The following SP9 variants were observed in gnomAD, a reference collection of about 807,000 sequenced individuals.
SP9 encodes the protein transcription factor Sp9.
A neutral mutation model predicts 23.0 loss-of-function variants in SP9; 5 were observed. The observed-to-expected ratio is 0.22, with a 90% confidence interval of 0.11 to 0.46. The LOEUF (loss-of-function observed/expected upper bound fraction) is 0.46. SP9 is among the 20% of genes least tolerant of loss of function. SP9 has a pLI of 0.99. For missense variants in SP9, 542 were observed against 724.0 expected, an observed-to-expected ratio of 0.75 and a Z score of 2.88; for synonymous variants, 360 against 356.5, an observed-to-expected ratio of 1.01 and a Z score of -0.11.
At position 174,336,886 on chromosome 2, in the gene SP9, T is replaced by C; in HGVS notation, c.801T>C (p.Tyr267=). 6.6e-7 allele frequency: 1 copy of C among 1,505,542 alleles called. No homozygotes were observed. The highest frequency in any genetic ancestry group is 1.4e-5 in the African/African-American group (1 of 69,218). 93.3% of individuals were successfully genotyped at this position (1,505,542 alleles called of 1,614,324 possible). A position where few individuals can be genotyped will look rare whatever the true frequency, so the allele number is the denominator to read the frequency against. ...QDGFKPVLPS[Y]SDSSAAVAAA... is the part of the protein sequence containing the mutation. Reference sequence around the variant, plus strand: ...GCTTCAAGCCGGTGTTGCCCTCCTATTCGGACTCCAGCGCCGCCGTGGCAG... The same window carrying C: ...GCTTCAAGCCGGTGTTGCCCTCCTACTCGGACTCCAGCGCCGCCGTGGCAG... Residue 267 remains tyrosine, a synonymous_variant, in exon 2 of 2, where the codon TAT becomes TAC. Coordinates refer to ENST00000394967, the MANE Select transcript of SP9 (RefSeq NM_001145250.2).
rs1161308932 is a variant in SP9 at position 174,336,338 on chromosome 2, G to A, written c.253G>A (p.Ala85Thr). Reference sequence around the variant, plus strand: ...CGGCCTGGCGGGCGGCTCGGGCGCCGCCAACAGCGCCTTCTGCCTGGCCTC... The same window carrying A: ...CGGCCTGGCGGGCGGCTCGGGCGCCACCAACAGCGCCTTCTGCCTGGCCTC... Reference protein sequence around the residue: ...SGGLAGGSGAANSAFCLASTS... With the variant: ...SGGLAGGSGATNSAFCLASTS... The change falls in exon 2 of 2, where the codon GCC becomes ACC. Residue 85 changes from alanine to threonine, a missense_variant. This residue lies in a region of SP9 where 201 missense variants were observed against 226.3 expected (regional missense o/e 0.89). Coordinates refer to ENST00000394967, the MANE Select transcript of SP9 (RefSeq NM_001145250.2). 2.7e-6 allele frequency: 4 copies of A among 1,495,608 alleles called. No homozygotes were observed. Among genetic ancestry groups the A allele is most frequent in the East Asian group, 2.7e-5 (1 of 37,212 alleles). 92.6% of individuals were successfully genotyped at this position (1,495,608 alleles called of 1,614,324 possible).
At chr2:174,336,040 T>G in intron 1 of SP9, 67 bp from the exon 2 acceptor site, 3 of 1,462,640 alleles carry the variant, frequency 2.1e-6, no homozygotes, top group South Asian at 1.3e-5. Flanking sequence ...CGGGTGCACT[T>G]TGTTTCTTCC....
Position 174,336,904 on chromosome 2 carries a change from C to G in SP9, c.819C>G (p.Ala273=). 1 of 1,461,418 alleles carries G rather than the reference C, an allele frequency of 6.8e-7. No individual in the cohort carries two copies. Among genetic ancestry groups the G allele is most frequent in the Non-Finnish European group, 9.0e-7 (1 of 1,109,636 alleles). 90.5% of individuals were successfully genotyped at this position (1,461,418 alleles called of 1,614,324 possible). ...CCTCCTATTCGGACTCCAGCGCCGC[C>G]GTGGCAGCCGCCGCCGCCAGCGCCA... ...VLPSYSDSSA[A]VAAAAASAMI... The change falls in exon 2 of 2, where the codon GCC becomes GCG. Residue 273 remains alanine, a synonymous_variant. Transcript: ENST00000394967.
chr2:174,337,412 C>T lies in SP9; in HGVS notation c.1327C>T (p.Leu443Phe). 6.5e-7 allele frequency: 1 copy of T among 1,545,188 alleles called. No individual in the cohort carries two copies. Among genetic ancestry groups the T allele is most frequent in the Non-Finnish European group, 8.7e-7 (1 of 1,144,698 alleles). Residue 443 changes from leucine to phenylalanine, a missense_variant, in exon 2 of 2, where the codon CTC (leucine) becomes TTC (phenylalanine). Leu to Phe is a conservative substitution (Grantham distance 22). This residue lies in a region of SP9 where 35 missense variants were observed against 67.2 expected (regional missense o/e 0.52). Transcript: ENST00000394967. ...GACGCCCCGTTCCGAATCCCCCGACCTCATCCTGCATGACTCCGGCGTCAG... is the reference window on the plus strand; with the variant it reads ...GACGCCCCGTTCCGAATCCCCCGACTTCATCCTGCATGACTCCGGCGTCAG... Reference protein sequence around the residue: ...LETPRSESPDLILHDSGVSAA... With the variant: ...LETPRSESPDFILHDSGVSAA...
Position 174,336,729 on chromosome 2 carries a change from C to G in SP9, c.644C>G (p.Ser215Trp). 1 of 1,528,932 alleles carries G rather than the reference C, an allele frequency of 6.5e-7. No homozygotes were observed. Among genetic ancestry groups the G allele is most frequent in the South Asian group, 1.2e-5 (1 of 82,928 alleles). The allele number at this position is 1,528,932 out of a possible 1,614,324, so 94.7% of individuals were successfully genotyped here. The change falls in exon 2 of 2, where the codon TCG becomes TGG. Residue 215 changes from serine (S) to tryptophan (W), a missense_variant. Ser to Trp is a radical substitution (Grantham distance 177, BLOSUM62 -3). Coordinates refer to ENST00000394967, the MANE Select transcript of SP9 (RefSeq NM_001145250.2). The stretch of plus-strand genomic sequence containing the variant: ...GGCGCCCCCCAGGCCTCGCTGCACT[C>G]GCAGCTGGGCACCTACAACCCCGAC... The part of the protein sequence containing the change: ...HSGAPQASLH[S>W]QLGTYNPDFS...
Position 174,335,039 on chromosome 2 carries a change from C to T in SP9, c.-54C>T. 1 of 1,544,012 alleles carries T rather than the reference C, an allele frequency of 6.5e-7. No individual in the cohort carries two copies. On this transcript the variant is annotated 5_prime_UTR_variant, in exon 1 of 2. Transcript: ENST00000394967. Reference sequence around the variant, plus strand: ...GCGGGACCCAAGCAGTTTTTCCGAGCAGCCGCCAGGCTCAGCCCCGCTCCC... The same window carrying T: ...GCGGGACCCAAGCAGTTTTTCCGAGTAGCCGCCAGGCTCAGCCCCGCTCCC...
rs1428055787 is a variant in SP9 at position 174,338,094 on chromosome 2, C to T, written c.*554C>T. The T allele has an allele frequency of 6.6e-6, 1 of 152,180 alleles. No homozygotes were observed. The highest frequency in any genetic ancestry group is 1.5e-5 in the Non-Finnish European group (1 of 68,038). 9.4% of individuals were successfully genotyped at this position (152,180 alleles called of 1,614,324 possible). Reference sequence around the variant, plus strand: ...ATATTATATATAAAATGCTCCAAGTCCTGCCTGATATCTACTTACAATGAG... The same window carrying T: ...ATATTATATATAAAATGCTCCAAGTTCTGCCTGATATCTACTTACAATGAG... On this transcript the variant is annotated 3_prime_UTR_variant, in exon 2 of 2. Transcript: ENST00000394967.
chr2:174,335,831 G>T, intron 1 of SP9: 1 of 464,532 alleles, frequency 2.2e-6, no homozygotes, highest in Non-Finnish European at 3.8e-6. Flanking sequence ...GTTGTAGGCA[G>T]GGTTGCAGCG....
At position 174,337,721 on chromosome 2, in the gene SP9, G is replaced by A. The variant is rs1684443991; in HGVS notation, c.*181G>A. The A allele has an allele frequency of 1.3e-6, 1 of 756,416 alleles. No individual in the cohort carries two copies. The highest frequency in any genetic ancestry group is 1.6e-6 in the Non-Finnish European group (1 of 606,422). 46.9% of individuals were successfully genotyped at this position (756,416 alleles called of 1,614,324 possible). On this transcript the variant is annotated 3_prime_UTR_variant, in exon 2 of 2. Coordinates refer to ENST00000394967, the MANE Select transcript of SP9 (RefSeq NM_001145250.2). ...GGGCTGCGGTTCGCCCGCTGTGCGAGGAGCTCCCCTCTGCCTTCCGCGCCC... is the reference window on the plus strand; with the variant it reads ...GGGCTGCGGTTCGCCCGCTGTGCGAAGAGCTCCCCTCTGCCTTCCGCGCCC...
chr2:174,337,462 G>A lies in SP9; in HGVS notation c.1377G>A (p.Ala459=), dbSNP rs1009078209. ...GTGCCGCCCGGGCGGCGGCAGCGGC[G>A]GCGGCGGCAGCGGCGGCGGCGGCGG... ...GVSAARAAAA[A]AAAAAAAAAA... The change falls in exon 2 of 2, where the codon GCG becomes GCA. Residue 459 remains alanine, a synonymous_variant. Transcript: ENST00000394967. The A allele has an allele frequency of 6.5e-6, 8 of 1,234,512 alleles. No individual in the cohort carries two copies. The highest frequency in any genetic ancestry group is 8.2e-6 in the Non-Finnish European group (8 of 970,308). The allele number at this position is 1,234,512 out of a possible 1,614,324, so 76.5% of individuals were successfully genotyped here.
chr2:174,335,784 G>C (rs1349694752), intron 1 of SP9: 2 of 342,288 alleles, frequency 5.8e-6, no homozygotes, highest in Non-Finnish European at 1.1e-5. Context: ...GGGGTCTTCT[G>C]GGAGATGAGC....
Position 174,337,732 on chromosome 2 carries a change from C to T in SP9, c.*192C>T. 1 of 595,242 alleles carries T rather than the reference C, an allele frequency of 1.7e-6. No individual in the cohort carries two copies. 36.9% of individuals were successfully genotyped at this position (595,242 alleles called of 1,614,324 possible). A position where few individuals can be genotyped will look rare whatever the true frequency, so the allele number is the denominator to read the frequency against. On this transcript the variant is annotated 3_prime_UTR_variant, in exon 2 of 2. Transcript: ENST00000394967. ...CGCCCGCTGTGCGAGGAGCTCCCCT[C>T]TGCCTTCCGCGCCCGGATAAGAATC... is the stretch of plus-strand genomic sequence containing the variant.
chr2:174,337,300 C>A lies in SP9; in HGVS notation c.1215C>A (p.Asp405Glu). The change falls in exon 2 of 2, where the codon GAC becomes GAA. Residue 405 changes from aspartate (D) to glutamate (E), a missense_variant. Around this residue, in one of 8 missense-constraint regions of SP9, gnomAD observed 35 missense variants for 67.2 expected, o/e 0.52. Coordinates refer to ENST00000394967, the MANE Select transcript of SP9 (RefSeq NM_001145250.2). ...PVCNKRFMRS[D>E]HLSKHIKTHN... ...GCAACAAGCGCTTCATGCGCAGCGA[C>A]CACCTGAGCAAACACATTAAGACGC... The A allele has an allele frequency of 6.4e-7, 1 of 1,554,402 alleles. No homozygotes were observed. Among genetic ancestry groups the A allele is most frequent in the Non-Finnish European group, 8.7e-7 (1 of 1,148,808 alleles).
chr2:174,335,010 C>A lies in SP9; in HGVS notation c.-83C>A. 1 of 1,485,708 alleles carries A rather than the reference C, an allele frequency of 6.7e-7. No individual in the cohort carries two copies. The highest frequency in any genetic ancestry group is 1.2e-5 in the South Asian group (1 of 82,578). 92.0% of individuals were successfully genotyped at this position (1,485,708 alleles called of 1,614,324 possible). A position where few individuals can be genotyped will look rare whatever the true frequency, so the allele number is the denominator to read the frequency against. On this transcript the variant is annotated 5_prime_UTR_variant, in exon 1 of 2. Transcript: ENST00000394967. ...CGGCACGAGCGCGGGGACGCGGGAG[C>A]CGCGCGGGACCCAAGCAGTTTTTCC...
Position 174,336,906 on chromosome 2 carries a change from T to TGGCAGCCGCCGCCGC in SP9, c.822_836dup (p.Ala275_Ala279dup). On this transcript the variant is annotated inframe_insertion, in exon 2 of 2. Transcript: ENST00000394967. ...TCCTATTCGGACTCCAGCGCCGCCGTGGCAGCCGCCGCCGCCAGCGCCATG... is the reference window on the plus strand; with the variant it reads ...TCCTATTCGGACTCCAGCGCCGCCGTGGCAGCCGCCGCCGCGGCAGCCGCCGCCGCCAGCGCCATG... 1 of 1,426,618 alleles carries TGGCAGCCGCCGCCGC rather than the reference T, an allele frequency of 7.0e-7. No homozygotes were observed. Among genetic ancestry groups the TGGCAGCCGCCGCCGC allele is most frequent in the Non-Finnish European group, 9.2e-7 (1 of 1,089,270 alleles). The allele number at this position is 1,426,618 out of a possible 1,614,324, so 88.4% of individuals were successfully genotyped here. A position where few individuals can be genotyped will look rare whatever the true frequency, so the allele number is the denominator to read the frequency against.
At position 174,336,610 on chromosome 2, in the gene SP9, C is replaced by T. The variant is rs1574613589; in HGVS notation, c.525C>T (p.Gly175=). ...TGGCGGCCGGCGAGGTGACCAACGG[C>T]GCGGCGTCGTCGTGGTGGGACGTGC... ...STLAAGEVTN[G]AASSWWDVHS... Residue 175 remains glycine, a synonymous_variant, in exon 2 of 2, where the codon GGC becomes GGT. Coordinates refer to ENST00000394967, the MANE Select transcript of SP9 (RefSeq NM_001145250.2). 1.4e-6 allele frequency: 2 copies of T among 1,428,426 alleles called. No individual in the cohort carries two copies. The highest frequency in any genetic ancestry group is 1.5e-5 in the South Asian group (1 of 68,662). 88.5% of individuals were successfully genotyped at this position (1,428,426 alleles called of 1,614,324 possible). A position where few individuals can be genotyped will look rare whatever the true frequency, so the allele number is the denominator to read the frequency against.
In SP9 at chr2:174,334,978, G is replaced by A. The variant is rs1684380663; in HGVS notation, c.-115G>A. On this transcript the variant is annotated 5_prime_UTR_variant, in exon 1 of 2. Coordinates refer to ENST00000394967, the MANE Select transcript of SP9 (RefSeq NM_001145250.2). ...TGAGTTTAGCCGGCGGGAGCCTGGA[G>A]TCCGCTCGGCACGAGCGCGGGGACG... 3 of 1,259,042 alleles carry A rather than the reference G, an allele frequency of 2.4e-6. No homozygotes were observed. Among genetic ancestry groups the A allele is most frequent in the African/African-American group, 1.5e-5 (1 of 66,626 alleles). 78.0% of individuals were successfully genotyped at this position (1,259,042 alleles called of 1,614,324 possible).
rs1048233797 is a variant in SP9, at chr2:174,336,775, C to G, written c.690C>G (p.Ser230=). 2 of 1,532,606 alleles carry G rather than the reference C, an allele frequency of 1.3e-6. No individual in the cohort carries two copies. The highest frequency in any genetic ancestry group is 1.7e-6 in the Non-Finnish European group (2 of 1,145,302). 94.9% of individuals were successfully genotyped at this position (1,532,606 alleles called of 1,614,324 possible). A position where few individuals can be genotyped will look rare whatever the true frequency, so the allele number is the denominator to read the frequency against. ...CCGACTTCAGCTCGCTCACGCACTCCGCCTTCAGCTCCACGGGCCTCGGCT... is the reference window on the plus strand; with the variant it reads ...CCGACTTCAGCTCGCTCACGCACTCGGCCTTCAGCTCCACGGGCCTCGGCT... ...YNPDFSSLTH[S]AFSSTGLGSS... Residue 230 remains serine (S), a synonymous_variant, in exon 2 of 2, where the codon TCC becomes TCG. Transcript: ENST00000394967.
In SP9 at chr2:174,337,471, AGCGGCGGCGGCGG is replaced by A; in HGVS notation, c.1387_1399del (p.Ala463ArgfsTer54). 1 of 1,200,518 alleles carries A rather than the reference AGCGGCGGCGGCGG, an allele frequency of 8.3e-7. No homozygotes were observed. The highest frequency in any genetic ancestry group is 4.5e-5 in the Admixed American group (1 of 22,320). The allele number at this position is 1,200,518 out of a possible 1,614,324, so 74.4% of individuals were successfully genotyped here. The stretch of plus-strand genomic sequence containing the variant: ...GGGCGGCGGCAGCGGCGGCGGCGGC[AGCGGCGGCGGCGG>A]CGGCGGCGGCCTCCGCGGGAGGCAA... On this transcript the variant is annotated frameshift_variant, in exon 2 of 2. Transcript: ENST00000394967. LOFTEE classifies it high-confidence loss of function.
Sources: gnomAD v4.1 joint callset for allele counts on GRCh38, gnomAD v4.1.1 for gene constraint, gnomAD v4.1.1 regional missense constraint, MANE v1.5 for transcripts, NCBI Gene and HGNC (gene_info 2026-07-23, HGNC 2026-07-21) for gene names.